RBFOX3: variants seen among roughly 807,000 people sequenced by gnomAD.
RBFOX3 encodes the protein RNA binding protein fox-1 homolog 3.
RBFOX3 carries 17 observed loss-of-function variants against 48.7 expected under a neutral mutation model. The observed-to-expected ratio is 0.35, with a 90% CI of 0.24 to 0.52. The LOEUF (loss-of-function observed/expected upper bound fraction) is 0.52. Among genes scored for constraint, RBFOX3 ranks in the 20% least tolerant of loss-of-function variants. RBFOX3 has a pLI of 0.94. For missense variants in RBFOX3, 382 were observed against 497.5 expected (o/e 0.77, Z 2.21); for synonymous variants, 212 against 209.5 (o/e 1.01, Z -0.10).
At chr17:79,645,806 G>A in the RBFOX3 span, among the ~76,000 whole-genome samples, 1 of 152,222 alleles carries the variant, frequency 6.6e-6, no homozygotes, top group Non-Finnish European at 1.5e-5. Context: ...CAGAAGAGGA[G>A]CCCTCACCTG....
chr17:79,292,299 C>G lies in RBFOX3; in HGVS notation c.-74+15425G>C, dbSNP rs116793961. On this transcript the variant is annotated intron_variant, in intron 3 of 14. Coordinates refer to ENST00000693108, the MANE Select transcript of RBFOX3 (RefSeq NM_001350451.2). The stretch of plus-strand genomic sequence containing the variant: ...CCCACTCGTGTGCATCTTCACAGAC[C>G]CCACGAGTGTCAGGACCCCGCATGC... Among the ~76,000 whole-genome samples the G allele has an allele frequency of 3.5e-3, 539 of 151,932 alleles. 3 individuals are homozygous for G. The highest frequency in any genetic ancestry group is 0.012 in the African/African-American group (507 of 41,412).
chr17:79,370,144 C>T (rs893122206), intron 2 of RBFOX3, among the ~76,000 whole-genome samples: 3 of 152,248 alleles, frequency 2.0e-5, no homozygotes, highest in African/African-American at 7.2e-5. Flanking sequence ...CAGAGCACCT[C>T]TCTCACCAGG....
At chr17:79,126,225 T>A (rs1019047096) in intron 4 of RBFOX3, among the ~76,000 whole-genome samples, 9 of 152,198 alleles carry the variant, frequency 5.9e-5, no homozygotes, top group Non-Finnish European at 4.4e-5. Context: ...GGAGGGGGCT[T>A]GAGGCTGTCA....
intron 3 of RBFOX3, among the ~76,000 whole-genome samples, chr17:79,283,117 T>C (rs1420148893): frequency 6.6e-6 from 1 of 152,206 alleles, no homozygotes; most frequent in Admixed American, 6.5e-5. Context: ...AAACGCTTGC[T>C]AAAGCCATCG....
Position 79,103,482 on chromosome 17 carries a change from GACCCAGCCTGA to G in RBFOX3, c.415-239_415-229del, listed in dbSNP as rs1193522737. 1.3e-5 allele frequency among the ~76,000 whole-genome samples: 2 copies of G among 152,232 alleles called. No individual in the cohort carries two copies. The highest frequency in any genetic ancestry group is 2.9e-5 in the Non-Finnish European group (2 of 67,986). On this transcript the variant is annotated intron_variant, in intron 7 of 14. Transcript: ENST00000693108. This position sits in a 1 kb window ranked among gnomAD's most constrained non-coding sequence, Gnocchi z 6.1. ...TATGGGCCCCAGGGGGGCAGCTGCTGACCCAGCCTGAGCCCAGCCTGAGCTGATCACCCGGC... is the reference window on the plus strand; with the variant it reads ...TATGGGCCCCAGGGGGGCAGCTGCTGGCCCAGCCTGAGCTGATCACCCGGC...
intron 11 of RBFOX3, among the ~76,000 whole-genome samples, 173 bp downstream of exon 11, chr17:79,097,119 G>A (rs538589800): frequency 1.3e-5 from 2 of 152,192 alleles, no homozygotes; most frequent in South Asian, 4.1e-4. Context: ...GTGGGGATAG[G>A]GGTGAAGATA....
chr17:79,506,085 G>A (rs1471047596), intron 1 of RBFOX3, among the ~76,000 whole-genome samples: 1 of 152,244 alleles, frequency 6.6e-6, no homozygotes, highest in East Asian at 1.9e-4. Flanking sequence ...AAGAATAACA[G>A]AGAAGTAAGC....
rs1046817088 is a variant in RBFOX3, at chr17:79,560,208, C to T, written c.-320+50618G>A. 3.9e-5 allele frequency among the ~76,000 whole-genome samples: 6 copies of T among 152,176 alleles called. No individual in the cohort carries two copies. In the East Asian group the frequency reaches 1.2e-3, roughly 29 times the overall value. ...AAGACTGAGTGTAGAAGTGACTGGG[C>T]TGAAATGGTTGCTGGGTGGTCACCG... On this transcript the variant is annotated intron_variant, in intron 1 of 14. Coordinates refer to ENST00000693108, the MANE Select transcript of RBFOX3 (RefSeq NM_001350451.2).
intron 1 of RBFOX3, among the ~76,000 whole-genome samples, chr17:79,563,442 A>G (rs1232556219): frequency 6.6e-6 from 1 of 152,244 alleles, no homozygotes; most frequent in Non-Finnish European, 1.5e-5. Flanking sequence ...AGATGAAGGC[A>G]GCCACTTCTC....
intron 2 of RBFOX3, among the ~76,000 whole-genome samples, chr17:79,455,915 A>G (rs1555744680): frequency 6.6e-6 from 1 of 152,148 alleles, no homozygotes. Flanking sequence ...CGGACATTGC[A>G]CTAACCAGGT....
chr17:79,350,169 G>A (rs1046081464), intron 2 of RBFOX3, among the ~76,000 whole-genome samples: 6 of 152,162 alleles, frequency 3.9e-5, no homozygotes, highest in Admixed American at 2.0e-4. Context: ...CAACAGCTCT[G>A]TCCTCCCTGG....
chr17:79,304,545 G>A (rs1210417785), intron 3 of RBFOX3, among the ~76,000 whole-genome samples: 2 of 151,026 alleles, frequency 1.3e-5, no homozygotes, highest in East Asian at 1.9e-4. Flanking sequence ...CATCACACAC[G>A]CACTGAGGTG....
intron 1 of RBFOX3, among the ~76,000 whole-genome samples, chr17:79,578,603 C>A (rs1354130584): frequency 6.6e-6 from 1 of 152,270 alleles, no homozygotes; most frequent in East Asian, 1.9e-4. Flanking sequence ...ATTCGTGCAC[C>A]TTTTCCGCAT....
intron 14 of RBFOX3, among the ~76,000 whole-genome samples, chr17:79,091,601 C>T (rs1201439053): frequency 1.3e-5 from 2 of 152,210 alleles, no homozygotes; most frequent in African/African-American, 4.8e-5. Flanking sequence ...AGGGGACTGA[C>T]CTGGGGCTGA....
intron 4 of RBFOX3, 78 bp downstream of exon 4, chr17:79,235,688 T>C (rs1567891929): frequency 6.5e-6 from 1 of 153,662 alleles, no homozygotes; most frequent in Non-Finnish European, 1.5e-5. Context: ...TGGCTTTCAT[T>C]ATCAGCAGCT....
At chr17:79,216,436 G>A (rs147851082) in intron 4 of RBFOX3, among the ~76,000 whole-genome samples, 246 of 152,312 alleles carry the variant, frequency 1.6e-3, no homozygotes, top group African/African-American at 5.3e-3. Context: ...ATGGACTGGG[G>A]GGCAGGCAGG....
At chr17:79,097,172 C>CT (rs1407755697) in intron 11 of RBFOX3, 120 bp downstream of exon 11, 2 of 845,262 alleles carry the variant, frequency 2.4e-6, no homozygotes, top group Non-Finnish European at 3.5e-6. Context: ...TCCCACGATC[C>CT]TCCCCCCCCC....
intron 1 of RBFOX3, among the ~76,000 whole-genome samples, chr17:79,589,529 T>G (rs2093356443): frequency 1.3e-5 from 2 of 152,288 alleles, no homozygotes; most frequent in East Asian, 3.9e-4. Context: ...GGTTAGGACG[T>G]CAACATGGCT....
At chr17:79,406,088 G>A (rs776572914) in intron 2 of RBFOX3, among the ~76,000 whole-genome samples, 6 of 152,182 alleles carry the variant, frequency 3.9e-5, no homozygotes, top group Non-Finnish European at 8.8e-5. Context: ...CCATCTCTCT[G>A]CTGATGAATG....
Sources: gnomAD v4.1 joint callset for allele counts (sites outside exome capture counted in the v4.1 genomes callset) on GRCh38, gnomAD v4.1.1 for gene constraint, Gnocchi (gnomAD v3.1) non-coding constraint, MANE v1.5 for transcripts, NCBI Gene and HGNC (gene_info 2026-07-23, HGNC 2026-07-21) for gene names.